The following CDKL2 variants were observed in gnomAD, a reference collection of about 807,000 sequenced individuals.
The protein encoded by CDKL2 is cyclin dependent kinase like 2, also known as cyclin-dependent kinase-like 2.
A neutral mutation model predicts 63.9 loss-of-function variants in CDKL2; 64 were observed. That is an observed-to-expected ratio of 1.00 (90% CI 0.82 to 1.23). The LOEUF is 1.23. Among genes scored for constraint, CDKL2 ranks in the 50% most tolerant of loss-of-function variants. The probability of loss-of-function intolerance (pLI) is 0.00; values close to 1 mark genes in which losing one functional copy is unlikely to be tolerated. For synonymous variants in CDKL2, 211 were observed against 229.2 expected, an observed-to-expected ratio of 0.92 and a Z score of 0.72; for missense variants, 656 against 668.0, an observed-to-expected ratio of 0.98 and a Z score of 0.20.
chr4:75,586,144 G>A lies in CDKL2; in HGVS notation c.1648-4246C>T, dbSNP rs956996880. Among the ~76,000 whole-genome samples, 6 of 151,708 alleles carry A rather than the reference G, an allele frequency of 4.0e-5. No homozygotes were observed. In the East Asian group the frequency reaches 1.2e-3, roughly 29 times the overall value. ...ATATCTAGGGAAACCTCAAATACCT[G>A]GCTATTAAACAACATTTCTAAATAA... On this transcript the variant is annotated intron_variant, in intron 12 of 13. Transcript: ENST00000307465.
chr4:75,589,186 A>C (rs1560574093), intron 12 of CDKL2, among the ~76,000 whole-genome samples: 1 of 152,230 alleles, frequency 6.6e-6, no homozygotes, highest in Non-Finnish European at 1.5e-5. Context: ...AGAAAGGCTA[A>C]AATTAAATTG....
chr4:75,605,576 G>A lies in CDKL2; in HGVS notation c.601C>T (p.Leu201=), dbSNP rs755307733. ...TCAATATCAGAATCTCCAGGAAATAGGGGTTCCCCCATGAACATTTCAGTT... is the reference window on the plus strand; with the variant it reads ...TCAATATCAGAATCTCCAGGAAATAAGGGTTCCCCCATGAACATTTCAGTT... ...LVTEMFMGEP[L]FPGDSDIDQL... is the part of the protein sequence containing the mutation. Residue 201 remains leucine (L), a synonymous_variant, in exon 5 of 14, where the codon CTA becomes TTA. Coordinates refer to ENST00000307465, the MANE Select transcript of CDKL2 (RefSeq NM_001330724.2). 2.4e-5 allele frequency: 38 copies of A among 1,613,446 alleles called. No individual in the cohort carries two copies. The South Asian group carries it at 3.8e-4, about 16-fold the overall frequency.
chr4:75,607,629 T>C (rs1479374138), intron 3 of CDKL2, among the ~76,000 whole-genome samples: 1 of 152,126 alleles, frequency 6.6e-6, no homozygotes, highest in African/African-American at 2.4e-5. Context: ...CTCTCAAGAC[T>C]AAGAGAGTAA....
chr4:75,603,900 C>T lies in CDKL2; in HGVS notation c.712G>A (p.Val238Ile), dbSNP rs774010090. 59 of 1,613,572 alleles carry T rather than the reference C, an allele frequency of 3.7e-5. 1 individual carries two copies. In the South Asian group the frequency reaches 5.9e-4, roughly 16 times the overall value. Reference protein sequence around the residue: ...LFNKNPVFAGVRLPEIKEREP... With the variant: ...LFNKNPVFAGIRLPEIKEREP... ...CTTTCCTTGATTTCAGGCAACCTTA[C>T]TCCAGCAAACACAGGATTTTTATTA... The change falls in exon 6 of 14, where the codon GTA (valine) becomes ATA (isoleucine). Residue 238 changes from valine (V) to isoleucine (I), a missense_variant. Coordinates refer to ENST00000307465, the MANE Select transcript of CDKL2 (RefSeq NM_001330724.2).
rs985113361 is a variant in CDKL2 at position 75,625,352 on chromosome 4, G to T, written c.168+469C>A. On this transcript the variant is annotated intron_variant, in intron 2 of 13. Coordinates refer to ENST00000307465, the MANE Select transcript of CDKL2 (RefSeq NM_001330724.2). The stretch of plus-strand genomic sequence containing the variant: ...CAGAAATATACTTTTAAATAACTCA[G>T]GGATTAAGAAAAATATAAGAGAAAT... 2.6e-5 allele frequency among the ~76,000 whole-genome samples: 4 copies of T among 151,860 alleles called. No homozygotes were observed. In the East Asian group the frequency reaches 7.7e-4, roughly 29 times the overall value.
Position 75,576,868 on chromosome 4 carries a change from C to G in CDKL2, c.*2334G>C, listed in dbSNP as rs1652603089. 6.6e-6 allele frequency among the ~76,000 whole-genome samples: 1 copy of G among 152,144 alleles called. No individual in the cohort carries two copies. Among genetic ancestry groups the G allele is most frequent in the African/African-American group, 2.4e-5 (1 of 41,444 alleles). On this transcript the variant is annotated 3_prime_UTR_variant, in exon 14 of 14. Transcript: ENST00000307465. ...AGATATTCTAAGCAAGCAAGGGATT[C>G]TCAGTCAGGAAAACCAGGTTCTGTC...
chr4:75,581,397 T>G (rs1728254339), intron 13 of CDKL2, among the ~76,000 whole-genome samples: 1 of 152,232 alleles, frequency 6.6e-6, no homozygotes, highest in African/African-American at 2.4e-5. Context: ...GTAAGTAAAC[T>G]GTGATGTTAG....
intron 2 of CDKL2, among the ~76,000 whole-genome samples, chr4:75,620,166 C>T (rs935955919): frequency 1.3e-5 from 2 of 152,078 alleles, no homozygotes; most frequent in Admixed American, 6.6e-5. Flanking sequence ...TGCACTCCAG[C>T]CTGGGTGACA....
In CDKL2 at chr4:75,577,411, T is replaced by C. The variant is rs1728069039; in HGVS notation, c.*1791A>G. The stretch of plus-strand genomic sequence containing the variant: ...ATCCTCAAGTCATAACTTGGACTTA[T>C]GGTAAATATTTTTTAGTTCCTTAAT... On this transcript the variant is annotated 3_prime_UTR_variant, in exon 14 of 14. Transcript: ENST00000307465. Among the ~76,000 whole-genome samples the C allele has an allele frequency of 6.6e-6, 1 of 152,322 alleles. No individual in the cohort carries two copies. Among genetic ancestry groups the C allele is most frequent in the East Asian group, 1.9e-4 (1 of 5,188 alleles).
intron 12 of CDKL2, among the ~76,000 whole-genome samples, chr4:75,587,109 T>C (rs922315511): frequency 2.0e-5 from 3 of 152,026 alleles, no homozygotes; most frequent in South Asian, 2.1e-4. Flanking sequence ...GTGAACATAA[T>C]AAAGTAAAAA....
chr4:75,607,095 G>C, intron 4 of CDKL2, 88 bp downstream of exon 4: 3 of 1,083,804 alleles, frequency 2.8e-6, no homozygotes, highest in Non-Finnish European at 4.0e-6. Context: ...TTCAGTATTA[G>C]AGGGATCATT....
intron 3 of CDKL2, among the ~76,000 whole-genome samples, chr4:75,611,458 C>CAAAAAAAA (rs71203834): frequency 1.3e-5 from 1 of 76,724 alleles, no homozygotes; most frequent in African/African-American, 4.9e-5. Flanking sequence ...GATTCTGTCT[C>CAAAAAAAA]AAAAAAAAAA....
chr4:75,629,684 A>G (rs548221317), intron 1 of CDKL2, among the ~76,000 whole-genome samples: 271 of 152,324 alleles, frequency 1.8e-3, no homozygotes, highest in African/African-American at 6.4e-3. Flanking sequence ...TCACGCCTGT[A>G]ATCCCAACAC....
At chr4:75,591,739 C>G in intron 12 of CDKL2, 80 bp downstream of exon 12, 1 of 918,586 alleles carries the variant, frequency 1.1e-6, no homozygotes, top group Non-Finnish European at 1.6e-6. Flanking sequence ...TTCTTAAGAG[C>G]AAACTCTCCC....
intron 2 of CDKL2, among the ~76,000 whole-genome samples, chr4:75,615,357 T>G (rs1343082406): frequency 2.0e-5 from 3 of 151,994 alleles, no homozygotes; most frequent in African/African-American, 7.3e-5. Context: ...TTCAAAGATG[T>G]AAGAAATGGG....
chr4:75,618,239 C>CTTTTTTTTTTTT (rs56002333), intron 2 of CDKL2, among the ~76,000 whole-genome samples: 1 of 52,946 alleles, frequency 1.9e-5, no homozygotes, highest in Non-Finnish European at 3.2e-5. Context: ...ATTGAAAATT[C>CTTTTTTTTTTTT]TTTTTTTTTT....
chr4:75,603,746 A>C lies in CDKL2; in HGVS notation c.795+71T>G. The C allele has an allele frequency of 2.4e-5, 11 of 457,520 alleles. No homozygotes were observed. In the South Asian group the frequency reaches 5.0e-4, roughly 21 times the overall value. The allele number at this position is 457,520 out of a possible 1,614,324, so 28.3% of individuals were successfully genotyped here. ...AAAAAAAAGATCAACTAGACAAGTA[A>C]AAAAAAAAAAAAAAGGTCTTGATAG... On this transcript the variant is annotated intron_variant, in intron 6 of 13. Transcript: ENST00000307465.
chr4:75,614,118 G>A, intron 3 of CDKL2, 137 bp downstream of exon 3: 1 of 555,520 alleles, frequency 1.8e-6, no homozygotes, highest in South Asian at 2.9e-5. Flanking sequence ...CCAATTAATA[G>A]ATGCACAGAT....
intron 2 of CDKL2, among the ~76,000 whole-genome samples, chr4:75,618,760 A>T (rs897443691): frequency 6.6e-6 from 1 of 152,186 alleles, no homozygotes; most frequent in African/African-American, 2.4e-5. Flanking sequence ...CTAAAAGGGA[A>T]AAGCCAAAGT....
Sources: gnomAD v4.1 joint callset for allele counts (sites outside exome capture counted in the v4.1 genomes callset) on GRCh38, gnomAD v4.1.1 for gene constraint, MANE v1.5 for transcripts, NCBI Gene and HGNC (gene_info 2026-07-23, HGNC 2026-07-21) for gene names.